EXTL3: variants seen among roughly 807,000 people sequenced by gnomAD.
EXTL3 encodes exostosin-like 3.
Under a neutral mutation model 69.3 loss-of-function variants are expected in EXTL3, and 27 were observed. The ratio of observed to expected loss-of-function variants is 0.39; its 90% CI spans 0.29 to 0.54. EXTL3 has a LOEUF of 0.54. Ranked by LOEUF, EXTL3 falls within the 20% of genes least tolerant of loss-of-function variation. The pLI is 0.69. For synonymous variants in EXTL3, 511 were observed against 499.4 expected (o/e 1.02, Z -0.31); for missense variants, 1,003 against 1,231.8 (o/e 0.81, Z 2.78).
chr8:28,653,408 C>A (rs899719360), intron 1 of EXTL3, among the ~76,000 whole-genome samples: 5 of 152,112 alleles, frequency 3.3e-5, no homozygotes, highest in African/African-American at 1.2e-4. Flanking sequence ...TCTTTTGTTA[C>A]CTGTGCTTTT....
At chr8:28,731,814 G>A (rs1297163922) in intron 4 of EXTL3, among the ~76,000 whole-genome samples, 4 of 152,086 alleles carry the variant, frequency 2.6e-5, no homozygotes, top group African/African-American at 4.8e-5. Context: ...AAAGATTTGG[G>A]GGAAGGAGGG....
At chr8:28,608,406 T>C (rs1051517978) in intron 2 of EXTL3, among the ~76,000 whole-genome samples, 1 of 152,176 alleles carries the variant, frequency 6.6e-6, no homozygotes, top group African/African-American at 2.4e-5. Flanking sequence ...TTACTACTAG[T>C]TTTTGTGGGT....
intron 3 of EXTL3, among the ~76,000 whole-genome samples, chr8:28,726,879 CTTTTT>C (rs11458194): frequency 2.0e-5 from 2 of 99,944 alleles, no homozygotes; most frequent in African/African-American, 8.1e-5. Flanking sequence ...CTTTTCTTTT[CTTTTT>C]TTTTTTTTTT....
chr8:28,713,353 AG>A, intron 1 of EXTL3, 103 bp from the exon 2 acceptor site: 2 of 589,594 alleles, frequency 3.4e-6, no homozygotes, highest in Non-Finnish European at 6.0e-6. Context: ...ATCTTTTCAT[AG>A]GGGACAGTAA....
chr8:28,639,476 A>G (rs899143596), intron 1 of EXTL3, among the ~76,000 whole-genome samples: 1 of 152,146 alleles, frequency 6.6e-6, no homozygotes, highest in Non-Finnish European at 1.5e-5. Flanking sequence ...TCCCTTCGAT[A>G]TACAAAGCAC....
At chr8:28,618,561 G>A (rs559306985), upstream of EXTL3, among the ~76,000 whole-genome samples, 7 of 152,302 alleles carry the variant, frequency 4.6e-5, no homozygotes, top group South Asian at 8.3e-4. Context: ...CGTCCGGCAC[G>A]AAAGAGGTTG....
At chr8:28,740,869 G>A (rs1797500385) in intron 5 of EXTL3, 1 of 152,156 alleles carries the variant, frequency 6.6e-6, no homozygotes, top group African/African-American at 2.4e-5. Context: ...AAAGCAGTAG[G>A]ATTGAATATG....
rs149041444 is a variant in EXTL3, at chr8:28,688,060, CTT to C, written c.-52-25380_-52-25379del. 4.4e-3 allele frequency among the ~76,000 whole-genome samples: 582 copies of C among 131,890 alleles called. 3 individuals carry two copies. The highest frequency in any genetic ancestry group is 6.3e-3 in the African/African-American group (223 of 35,566). The allele number at this position is 131,890 out of a possible 152,430, so 86.5% of individuals were successfully genotyped here. On this transcript the variant is annotated intron_variant, in intron 1 of 6. Coordinates refer to the EXTL3 transcript ENST00000523149. ...GTGAATGACAGTAGAGAAGAGATGA[CTT>C]TTTTTTTTTTTTTTTTGAGACGGAG... is the stretch of plus-strand genomic sequence containing the variant.
intron 5 of EXTL3, among the ~76,000 whole-genome samples, chr8:28,738,027 C>A (rs1801687872): frequency 6.6e-6 from 1 of 152,182 alleles, no homozygotes; most frequent in African/African-American, 2.4e-5. Flanking sequence ...GTGACCTGGG[C>A]ACTTTTCTGA....
intron 2 of EXTL3, among the ~76,000 whole-genome samples, chr8:28,616,142 A>G (rs950287197): frequency 6.6e-6 from 1 of 152,180 alleles, no homozygotes; most frequent in Non-Finnish European, 1.5e-5. Flanking sequence ...ATTCTTGCAA[A>G]GGGCAGTACA....
intron 1 of EXTL3, among the ~76,000 whole-genome samples, chr8:28,707,454 T>G (rs897023478): frequency 1.3e-5 from 2 of 152,214 alleles, no homozygotes; most frequent in Non-Finnish European, 2.9e-5. Flanking sequence ...CAGTAGCAAT[T>G]ATGAAAAAGC....
At chr8:28,624,791 G>T (rs190783961) in intron 1 of EXTL3, among the ~76,000 whole-genome samples, 1 of 152,222 alleles carries the variant, frequency 6.6e-6, no homozygotes, top group Admixed American at 6.5e-5. Context: ...GTTAAATTCA[G>T]ACAATAACTT....
At chr8:28,626,192 TAAAA>T (rs1806488466) in intron 1 of EXTL3, among the ~76,000 whole-genome samples, 1 of 149,954 alleles carries the variant, frequency 6.7e-6, no homozygotes, top group Admixed American at 6.7e-5. Flanking sequence ...AAAATTAAAC[TAAAA>T]AAATTTTTTA....
intron 1 of EXTL3, among the ~76,000 whole-genome samples, chr8:28,624,548 G>A (rs1407905924): frequency 1.3e-5 from 2 of 152,180 alleles, no homozygotes; most frequent in East Asian, 3.8e-4. Context: ...GGGTGACAGA[G>A]TGAGACCCTG....
intron 1 of EXTL3, among the ~76,000 whole-genome samples, chr8:28,684,172 G>T (rs1262196726): frequency 6.6e-6 from 1 of 152,122 alleles, no homozygotes; most frequent in African/African-American, 2.4e-5. Context: ...TTATCTGTTT[G>T]TCTACTGGTG....
chr8:28,656,960 TCTCA>T (rs1327224350), intron 1 of EXTL3, among the ~76,000 whole-genome samples: 8 of 151,948 alleles, frequency 5.3e-5, no homozygotes, highest in African/African-American at 1.9e-4. Flanking sequence ...TGAGACAGGG[TCTCA>T]CTCTGTTGCC....
chr8:28,671,297 GTTTTGTT>G (rs1191810657), intron 1 of EXTL3, among the ~76,000 whole-genome samples: 140 of 115,466 alleles, frequency 1.2e-3, no homozygotes, highest in African/African-American at 4.1e-3. Flanking sequence ...TTATTTTTAT[GTTTTGTT>G]TTTTGTTTTT....
intron 3 of EXTL3, among the ~76,000 whole-genome samples, chr8:28,729,616 A>T (rs2130768974): frequency 6.6e-6 from 1 of 150,406 alleles, no homozygotes. Flanking sequence ...AAAAAAAAAA[A>T]AAAAAAAGCA....
intron 1 of EXTL3, among the ~76,000 whole-genome samples, chr8:28,672,274 C>G (rs909624320): frequency 4.0e-5 from 6 of 151,754 alleles, no homozygotes; most frequent in Admixed American, 2.0e-4. Context: ...AAAAATTAGC[C>G]GGGCATGGTG....
Sources: allele counts gnomAD v4.1 joint callset (sites outside exome capture counted in the v4.1 genomes callset), GRCh38; gene constraint gnomAD v4.1.1; transcripts MANE v1.5; gene names NCBI Gene and HGNC (gene_info 2026-07-23, HGNC 2026-07-21).